The following TXLNB variants were observed in gnomAD, a reference collection of about 807,000 sequenced individuals.
TXLNB encodes the protein taxilin beta, also known as beta-taxilin.
A neutral mutation model predicts 57.4 loss-of-function variants in TXLNB; 37 were observed. The ratio of observed to expected loss-of-function variants is 0.64; its 90% CI spans 0.50 to 0.85. The LOEUF is 0.85. Ranked by LOEUF, TXLNB falls within the 40% of genes least tolerant of loss-of-function variation. The pLI is 0.00. For missense variants in TXLNB, 848 were observed against 825.6 expected (o/e 1.03, Z -0.33); for synonymous variants, 302 against 309.6 (o/e 0.98, Z 0.26).
the TXLNB span, among the ~76,000 whole-genome samples, chr6:139,205,160 G>A: frequency 1.3e-5 from 2 of 152,204 alleles, no homozygotes; most frequent in Non-Finnish European, 2.9e-5. Flanking sequence ...TCTTGCAAGC[G>A]CCACCTCCTG....
chr6:139,258,803 G>A (rs1428953514), intron 6 of TXLNB, among the ~76,000 whole-genome samples: 1 of 152,208 alleles, frequency 6.6e-6, no homozygotes, highest in East Asian at 1.9e-4. Flanking sequence ...GTCACAGAGA[G>A]TGTGGGCTTT....
chr6:139,272,804 C>T (rs1234754228), intron 3 of TXLNB, among the ~76,000 whole-genome samples: 1 of 152,188 alleles, frequency 6.6e-6, no homozygotes, highest in East Asian at 1.9e-4. Flanking sequence ...GAGGCTGAGG[C>T]AGGCGGATCA....
chr6:139,245,365 G>C (rs1451356674), intron 8 of TXLNB: 1 of 152,246 alleles, frequency 6.6e-6, no homozygotes, highest in African/African-American at 2.4e-5. Context: ...AGAATGTCTG[G>C]TGGTCACCAG....
At chr6:139,171,513 A>G in the TXLNB span, among the ~76,000 whole-genome samples, 1 of 152,252 alleles carries the variant, frequency 6.6e-6, no homozygotes, top group Admixed American at 6.5e-5. Context: ...ACATATCAGC[A>G]TTTTTATTGC....
chr6:139,323,574 C>T, the TXLNB span, among the ~76,000 whole-genome samples: 4 of 152,154 alleles, frequency 2.6e-5, no homozygotes, highest in Admixed American at 1.3e-4. Context: ...TGAGCCACCG[C>T]GCCCAGGCTT....
At chr6:139,168,365 CATATAGT>C in the TXLNB span, among the ~76,000 whole-genome samples, 2 of 150,900 alleles carry the variant, frequency 1.3e-5, no homozygotes, top group Non-Finnish European at 2.9e-5. Context: ...TATATAGTAC[CATATAGT>C]CTAGGACTCC....
At chr6:139,262,852 TA>T (rs1242132572) in intron 4 of TXLNB, 79 bp from the exon 5 acceptor site, 1 of 1,452,082 alleles carries the variant, frequency 6.9e-7, no homozygotes, top group African/African-American at 1.4e-5. Context: ...CTAAAGGAGA[TA>T]AGTGTGCAGA....
the TXLNB span, chr6:139,177,607 G>A: frequency 1.3e-5 from 2 of 152,710 alleles, no homozygotes. The surrounding 1 kb of genome is among the most constrained non-coding windows in gnomAD (Gnocchi z 4.9). Context: ...TGGGCAGGCA[G>A]TTTACTCACA....
At chr6:139,300,862 T>C in the TXLNB span, among the ~76,000 whole-genome samples, 4 of 152,230 alleles carry the variant, frequency 2.6e-5, no homozygotes, top group African/African-American at 9.6e-5. Context: ...ACCACTGTGC[T>C]CCAGCATGGG....
the TXLNB span, chr6:139,174,584 T>G: frequency 4.4e-6 from 7 of 1,596,314 alleles, no homozygotes; most frequent in Non-Finnish European, 6.0e-6. Context: ...ATATTAGGCT[T>G]CTGTCCCCAA....
At chr6:139,174,421 G>A in the TXLNB span, 1 of 1,613,942 alleles carries the variant, frequency 6.2e-7, no homozygotes, top group Non-Finnish European at 8.5e-7. Flanking sequence ...TGCGTGGACT[G>A]CCTGGAAGGG....
the TXLNB span, chr6:139,174,565 C>T: frequency 6.2e-7 from 1 of 1,604,788 alleles, no homozygotes; most frequent in Non-Finnish European, 8.5e-7. Flanking sequence ...ACTGAGGGAG[C>T]AGTGGGTGAT....
intron 2 of TXLNB, among the ~76,000 whole-genome samples, chr6:139,288,177 A>G (rs1000094964): frequency 8.5e-5 from 13 of 152,240 alleles, no homozygotes; most frequent in Non-Finnish European, 1.3e-4. Context: ...AATCTGAGAT[A>G]AAACTGGGAC....
At chr6:139,281,508 T>C (rs1235865013) in intron 2 of TXLNB, among the ~76,000 whole-genome samples, 3 of 131,592 alleles carry the variant, frequency 2.3e-5, no homozygotes, top group African/African-American at 1.0e-4. Flanking sequence ...AACTTTGGCC[T>C]CTCACTCAGT....
At chr6:139,228,041 A>G in the TXLNB span, among the ~76,000 whole-genome samples, 1 of 152,258 alleles carries the variant, frequency 6.6e-6, no homozygotes, top group African/African-American at 2.4e-5. Flanking sequence ...TTGAGAAATT[A>G]AAATGAGAAA....
intron 4 of TXLNB, among the ~76,000 whole-genome samples, chr6:139,265,063 A>C (rs1460234242): frequency 6.6e-6 from 1 of 152,216 alleles, no homozygotes; most frequent in East Asian, 1.9e-4. Flanking sequence ...TGCAAGCATC[A>C]TTGTGCATCT....
intron 7 of TXLNB, among the ~76,000 whole-genome samples, chr6:139,253,164 C>G (rs1042775632): frequency 6.6e-6 from 1 of 152,148 alleles, no homozygotes; most frequent in Non-Finnish European, 1.5e-5. Context: ...TAGAACCATG[C>G]CTAGCACTTA....
At chr6:139,271,982 G>A (rs770966999) in intron 3 of TXLNB, 1 of 152,260 alleles carries the variant, frequency 6.6e-6, no homozygotes, top group Non-Finnish European at 1.5e-5. Flanking sequence ...TGCCACATGA[G>A]TCCTGACACG....
intron 9 of TXLNB, among the ~76,000 whole-genome samples, chr6:139,243,855 A>G (rs1398344517): frequency 6.6e-6 from 1 of 152,234 alleles, no homozygotes; most frequent in East Asian, 1.9e-4. Context: ...GAAATTCACC[A>G]TATACTAATT....
Sources: allele counts gnomAD v4.1 joint callset (sites outside exome capture counted in the v4.1 genomes callset), GRCh38; gene constraint gnomAD v4.1.1; non-coding constraint Gnocchi (gnomAD v3.1); transcripts MANE v1.5; gene names NCBI Gene and HGNC (gene_info 2026-07-23, HGNC 2026-07-21).